The following PTCHD4 variants were observed in gnomAD, a reference collection of about 807,000 sequenced individuals.
The protein encoded by PTCHD4 is patched domain-containing protein 4.
PTCHD4 carries 33 observed loss-of-function variants against 58.1 expected under a neutral mutation model. That is an observed-to-expected ratio of 0.57 (90% CI 0.43 to 0.76). The LOEUF is 0.76. Ranked by LOEUF, PTCHD4 falls within the 30% of genes least tolerant of loss-of-function variation. The pLI is 0.00. For missense variants in PTCHD4, 1,058 were observed against 1,027.1 expected, an observed-to-expected ratio of 1.03 and a Z score of -0.41; for synonymous variants, 478 against 409.6, an observed-to-expected ratio of 1.17 and a Z score of -2.02.
chr6:48,004,421 A>G (rs866505743), intron 4 of PTCHD4, among the ~76,000 whole-genome samples: 16 of 152,172 alleles, frequency 1.1e-4, no homozygotes, highest in Admixed American at 2.6e-4. Flanking sequence ...CAAAGCACAG[A>G]ATGAGCCAGC....
chr6:47,866,716 A>G lies in PTCHD4; in HGVS notation c.*11587T>C, dbSNP rs1763571486. ...ATTGCTGGTTTTGGGGAGCACCACTATTATAATTAAAACTTTAACTATTAA... is the reference window on the plus strand; with the variant it reads ...ATTGCTGGTTTTGGGGAGCACCACTGTTATAATTAAAACTTTAACTATTAA... On this transcript the variant is annotated 3_prime_UTR_variant, in exon 5 of 5. Coordinates refer to ENST00000339488, the MANE Select transcript of PTCHD4 (RefSeq NM_001384253.1). 6.6e-6 allele frequency among the ~76,000 whole-genome samples: 1 copy of G among 151,876 alleles called. No individual in the cohort carries two copies. Among genetic ancestry groups the G allele is most frequent in the African/African-American group, 2.4e-5 (1 of 41,404 alleles).
Position 47,867,246 on chromosome 6 carries a change from G to A in PTCHD4, c.*11057C>T, listed in dbSNP as rs2114070910. Among the ~76,000 whole-genome samples the A allele has an allele frequency of 6.6e-6, 1 of 151,804 alleles. No homozygotes were observed. The highest frequency in any genetic ancestry group is 2.4e-5 in the African/African-American group (1 of 41,478). On this transcript the variant is annotated 3_prime_UTR_variant, in exon 5 of 5. Transcript: ENST00000339488. ...CAGTCTCTTACTCTCACACTTTGAG[G>A]GCTTTTGTGCCAGAACGTGGACGGT...
In PTCHD4 at chr6:47,866,971, C is replaced by G. The variant is rs1359177759; in HGVS notation, c.*11332G>C. On this transcript the variant is annotated 3_prime_UTR_variant, in exon 5 of 5. Transcript: ENST00000339488. The stretch of plus-strand genomic sequence containing the variant: ...TCATCACATATAATTTACATTTGGA[C>G]TTCTCTGTACATGCACCTTTCATAC... Among the ~76,000 whole-genome samples, 1 of 151,786 alleles carries G rather than the reference C, an allele frequency of 6.6e-6. No individual in the cohort carries two copies. Among genetic ancestry groups the G allele is most frequent in the African/African-American group, 2.4e-5 (1 of 41,386 alleles).
intron 1 of PTCHD4, among the ~76,000 whole-genome samples, chr6:48,106,565 C>T (rs897859554): frequency 2.0e-5 from 3 of 152,142 alleles, no homozygotes; most frequent in Admixed American, 6.5e-5. Context: ...CCTCTCTCAC[C>T]ACTCCTATTC....
At chr6:47,990,254 A>G (rs1768229904) in intron 4 of PTCHD4, among the ~76,000 whole-genome samples, 1 of 152,122 alleles carries the variant, frequency 6.6e-6, no homozygotes, top group South Asian at 2.1e-4. Flanking sequence ...CTTGTCTCAG[A>G]TGAGACTTTG....
intron 4 of PTCHD4, among the ~76,000 whole-genome samples, chr6:47,992,162 TATAGTA>T (rs1333514108): frequency 6.6e-6 from 1 of 152,140 alleles, no homozygotes; most frequent in Non-Finnish European, 1.5e-5. Flanking sequence ...CTGATGAAGC[TATAGTA>T]ATATTAGAAA....
chr6:48,103,211 G>A (rs1376837065), intron 1 of PTCHD4, among the ~76,000 whole-genome samples: 1 of 152,174 alleles, frequency 6.6e-6, no homozygotes, highest in Non-Finnish European at 1.5e-5. Flanking sequence ...CCCAGTAGGG[G>A]CAGACTGACA....
intron 4 of PTCHD4, among the ~76,000 whole-genome samples, chr6:47,989,967 AG>A (rs1581981399): frequency 1.3e-5 from 2 of 152,292 alleles, no homozygotes; most frequent in East Asian, 3.9e-4. Context: ...AGCAACCAGG[AG>A]GGGGACTCTA....
chr6:47,942,545 C>T (rs1373674831), intron 4 of PTCHD4, among the ~76,000 whole-genome samples: 2 of 152,082 alleles, frequency 1.3e-5, no homozygotes, highest in African/African-American at 4.8e-5. Context: ...GCCAAGGTCG[C>T]CCTGTTAGGC....
intron 1 of PTCHD4, among the ~76,000 whole-genome samples, chr6:48,103,206 T>C (rs1765645351): frequency 6.6e-6 from 1 of 152,094 alleles, no homozygotes; most frequent in African/African-American, 2.4e-5. Flanking sequence ...CACCCCCCAG[T>C]AGGGGCAGAC....
At chr6:47,921,949 A>G (rs930355350) in intron 4 of PTCHD4, among the ~76,000 whole-genome samples, 79 of 148,236 alleles carry the variant, frequency 5.3e-4, no homozygotes, top group Admixed American at 2.1e-3. Context: ...CTTGTCTAAA[A>G]AAAAAAAAAA....
chr6:48,011,501 A>G (rs1435775361), intron 3 of PTCHD4, among the ~76,000 whole-genome samples: 1 of 151,724 alleles, frequency 6.6e-6, no homozygotes, highest in East Asian at 1.9e-4. Flanking sequence ...GATTGCAAAA[A>G]TTTTCTCCCA....
At chr6:47,893,757 T>C (rs1380525055) in intron 4 of PTCHD4, among the ~76,000 whole-genome samples, 1 of 152,242 alleles carries the variant, frequency 6.6e-6, no homozygotes, top group Admixed American at 6.5e-5. Flanking sequence ...TATATAGTTG[T>C]AGCAGCATAG....
rs540958598 is a variant in PTCHD4, at chr6:47,921,942, G to A, written c.899-42006C>T. Among the ~76,000 whole-genome samples the A allele has an allele frequency of 3.6e-4, 48 of 133,952 alleles. 1 individual carries two copies. Among genetic ancestry groups the A allele is most frequent in the Middle Eastern group, 8.1e-3 (2 of 248 alleles). 87.9% of individuals were successfully genotyped at this position (133,952 alleles called of 152,430 possible). A position where few individuals can be genotyped will look rare whatever the true frequency, so the allele number is the denominator to read the frequency against. ...CCTGGGCAGCATAGCAAGACACCTT[G>A]TCTAAAAAAAAAAAAAAAGAAAAGA... On this transcript the variant is annotated intron_variant, in intron 4 of 4. Coordinates refer to ENST00000339488, the MANE Select transcript of PTCHD4 (RefSeq NM_001384253.1).
rs969356870 is a variant in PTCHD4 at position 47,872,185 on chromosome 6, C to T, written c.*6118G>A. 1.3e-5 allele frequency among the ~76,000 whole-genome samples: 2 copies of T among 151,476 alleles called. No homozygotes were observed. The highest frequency in any genetic ancestry group is 4.8e-5 in the African/African-American group (2 of 41,296). On this transcript the variant is annotated 3_prime_UTR_variant, in exon 5 of 5. Transcript: ENST00000339488. ...CTCCCCATAACATACTGTAGACTGCCGCTACTGAGAATATAAGTTAAATTT... is the reference window on the plus strand; with the variant it reads ...CTCCCCATAACATACTGTAGACTGCTGCTACTGAGAATATAAGTTAAATTT...
intron 1 of PTCHD4, among the ~76,000 whole-genome samples, chr6:48,102,234 A>G (rs753991635): frequency 2.0e-4 from 31 of 152,354 alleles, no homozygotes; most frequent in South Asian, 1.9e-3. Context: ...AGTTCAATCC[A>G]GAGAAATCCT....
chr6:47,980,427 T>C (rs1190181450), intron 4 of PTCHD4, among the ~76,000 whole-genome samples: 2 of 152,128 alleles, frequency 1.3e-5, no homozygotes, highest in South Asian at 2.1e-4. Flanking sequence ...TTCTTATCGT[T>C]TGGTTCTCTG....
intron 4 of PTCHD4, among the ~76,000 whole-genome samples, chr6:47,990,140 C>T (rs1333649905): frequency 6.6e-6 from 1 of 152,106 alleles, no homozygotes; most frequent in Non-Finnish European, 1.5e-5. Flanking sequence ...CCAATTTCTC[C>T]CCTTTGGAAT....
chr6:48,058,999 C>G (rs1440992467), intron 3 of PTCHD4, among the ~76,000 whole-genome samples: 3 of 152,180 alleles, frequency 2.0e-5, no homozygotes, highest in African/African-American at 7.2e-5. Flanking sequence ...AGGTAATTCC[C>G]TGTCTTCCGG....
Sources: gnomAD v4.1 joint callset for allele counts (sites outside exome capture counted in the v4.1 genomes callset) on GRCh38, gnomAD v4.1.1 for gene constraint, MANE v1.5 for transcripts, NCBI Gene and HGNC (gene_info 2026-07-23, HGNC 2026-07-21) for gene names.